The following CYRIB variants were observed in gnomAD, a reference collection of about 807,000 sequenced individuals.
CYRIB encodes the protein CYFIP related Rac1 interactor B, also known as CYFIP-related Rac1 interactor B.
A neutral mutation model predicts 44.2 loss-of-function variants in CYRIB; 8 were observed. That is an observed-to-expected ratio of 0.18 (90% confidence interval 0.11 to 0.33). The LOEUF is 0.33. Ranked by LOEUF, CYRIB falls within the 10% of genes least tolerant of loss-of-function variation. The probability of loss-of-function intolerance (pLI) is 1.00; values close to 1 mark genes in which losing one functional copy is unlikely to be tolerated. For missense variants in CYRIB, 185 were observed against 382.8 expected (o/e 0.48, Z 4.31); for synonymous variants, 131 against 127.2 (o/e 1.03, Z -0.20).
intron 3 of CYRIB, among the ~76,000 whole-genome samples, chr8:129,872,686 T>G (rs771432938): frequency 2.6e-5 from 4 of 152,050 alleles, no homozygotes; most frequent in Non-Finnish European, 5.9e-5. Context: ...TTTTCTCTTA[T>G]GAGGGAAAAG....
chr8:129,930,139 A>G (rs2090364235), intron 1 of CYRIB, among the ~76,000 whole-genome samples: 1 of 151,584 alleles, frequency 6.6e-6, no homozygotes, highest in Non-Finnish European at 1.5e-5. Context: ...TGAACCCGGG[A>G]GGCGGAGCTT....
At chr8:129,906,573 A>C (rs1472712778) in intron 1 of CYRIB, among the ~76,000 whole-genome samples, 1 of 152,224 alleles carries the variant, frequency 6.6e-6, no homozygotes, top group Non-Finnish European at 1.5e-5. Flanking sequence ...CACCAAAAGC[A>C]ATGGCAACAA....
chr8:129,964,491 C>T (rs991110102), intron 2 of CYRIB, among the ~76,000 whole-genome samples: 5 of 152,226 alleles, frequency 3.3e-5, no homozygotes, highest in African/African-American at 7.2e-5. Context: ...CTGGGTTACC[C>T]GTTTCCAAAA....
At chr8:129,877,798 T>C (rs2059644871) in intron 3 of CYRIB, among the ~76,000 whole-genome samples, 1 of 152,004 alleles carries the variant, frequency 6.6e-6, no homozygotes, top group Admixed American at 6.5e-5. Context: ...CATAACATAA[T>C]ACTAGGTTTA....
chr8:129,879,248 C>T, intron 3 of CYRIB, 141 bp downstream of exon 5: 1 of 620,258 alleles, frequency 1.6e-6, no homozygotes, highest in Admixed American at 3.4e-5. Context: ...TTCTAGAAGG[C>T]ACCAGAAATT....
At chr8:129,894,851 GT>G (rs1364621169) in intron 2 of CYRIB, among the ~76,000 whole-genome samples, 2 of 151,366 alleles carry the variant, frequency 1.3e-5, no homozygotes, top group African/African-American at 4.9e-5. Flanking sequence ...ATCCAGAGTG[GT>G]AAGTTTTCCT....
intron 2 of CYRIB, among the ~76,000 whole-genome samples, chr8:129,945,558 T>A (rs962248229): frequency 2.0e-5 from 3 of 152,120 alleles, no homozygotes; most frequent in Non-Finnish European, 4.4e-5. Context: ...AGTTTCTTTT[T>A]TTTGTATTTT....
rs2894502 is a variant in CYRIB at position 129,991,966 on chromosome 8, A to G, written c.-295-20971T>C. The stretch of plus-strand genomic sequence containing the variant: ...CGCAAAAAAAAAAAAAAAAAAAAAA[A>G]AAAAAACAATAGGAAGCTATTAAGG... On this transcript the variant is annotated intron_variant, in intron 1 of 14. Transcript: ENST00000401979. Among the ~76,000 whole-genome samples the G allele has an allele frequency of 9.1e-4, 126 of 138,436 alleles. 5 individuals are homozygous for G. Among genetic ancestry groups the G allele is most frequent in the South Asian group, 2.7e-3 (10 of 3,756 alleles). 90.8% of individuals were successfully genotyped at this position (138,436 alleles called of 152,430 possible). A position where few individuals can be genotyped will look rare whatever the true frequency, so the allele number is the denominator to read the frequency against.
intron 2 of CYRIB, among the ~76,000 whole-genome samples, chr8:129,962,202 C>A (rs1022428285): frequency 6.6e-6 from 1 of 151,774 alleles, no homozygotes; most frequent in African/African-American, 2.4e-5. Flanking sequence ...CATGATTGCG[C>A]CACTGCACTC....
At chr8:129,969,931 T>C (rs2095624693) in intron 2 of CYRIB, among the ~76,000 whole-genome samples, 1 of 152,208 alleles carries the variant, frequency 6.6e-6, no homozygotes, top group African/African-American at 2.4e-5. Context: ...TGTTTTATCC[T>C]TTTGCTTTTG....
chr8:130,002,943 A>T (rs2096940548), intron 1 of CYRIB, among the ~76,000 whole-genome samples: 1 of 152,248 alleles, frequency 6.6e-6, no homozygotes, highest in Non-Finnish European at 1.5e-5. Flanking sequence ...TAAAAATAAA[A>T]AAATGAGCCA....
intron 1 of CYRIB, among the ~76,000 whole-genome samples, chr8:130,004,093 G>C (rs1285858424): frequency 6.6e-6 from 1 of 152,166 alleles, no homozygotes; most frequent in Non-Finnish European, 1.5e-5. Flanking sequence ...TCTCACAGCA[G>C]ACAACTAGAC....
chr8:129,961,119 G>A (rs942420267), intron 2 of CYRIB, among the ~76,000 whole-genome samples: 109 of 152,134 alleles, frequency 7.2e-4, no homozygotes, highest in African/African-American at 2.5e-3. Flanking sequence ...GGCTCAAATC[G>A]TGACTCTAAA....
intron 1 of CYRIB, among the ~76,000 whole-genome samples, chr8:129,994,376 T>C (rs2096720429): frequency 6.6e-6 from 1 of 152,172 alleles, no homozygotes; most frequent in Admixed American, 6.5e-5. Flanking sequence ...TCTCAGACAG[T>C]AGATGTCTGT....
intron 2 of CYRIB, among the ~76,000 whole-genome samples, chr8:129,952,842 TAA>T (rs1317002640): frequency 6.6e-6 from 1 of 152,228 alleles, no homozygotes; most frequent in Non-Finnish European, 1.5e-5. Context: ...AATTCCAAGC[TAA>T]TATCTATTAA....
At chr8:129,877,910 T>G (rs965494269) in intron 3 of CYRIB, among the ~76,000 whole-genome samples, 1 of 152,028 alleles carries the variant, frequency 6.6e-6, no homozygotes, top group African/African-American at 2.4e-5. Flanking sequence ...GGAGACAGAA[T>G]AGCAGAAAAA....
chr8:129,995,324 T>C (rs2096741000), intron 1 of CYRIB, among the ~76,000 whole-genome samples: 1 of 152,194 alleles, frequency 6.6e-6, no homozygotes, highest in Non-Finnish European at 1.5e-5. Flanking sequence ...GAAGTGTTTC[T>C]TCATCTCTTA....
upstream of CYRIB, among the ~76,000 whole-genome samples, chr8:129,942,040 T>C (rs772702793): frequency 5.3e-5 from 8 of 151,714 alleles, no homozygotes; most frequent in Non-Finnish European, 8.8e-5. Flanking sequence ...CACTGAGAAG[T>C]GATAATAATA....
chr8:129,847,038 T>A (rs1419462669), intron 10 of CYRIB, 164 bp from the exon 13 acceptor site: 2 of 502,784 alleles, frequency 4.0e-6, no homozygotes, highest in Non-Finnish European at 6.9e-6. Flanking sequence ...ACCTAAGAGT[T>A]ATTATTCTCA....
Sources: allele counts gnomAD v4.1 joint callset (sites outside exome capture counted in the v4.1 genomes callset), GRCh38; gene constraint gnomAD v4.1.1; transcripts MANE v1.5; gene names NCBI Gene and HGNC (gene_info 2026-07-23, HGNC 2026-07-21).